AKAP19: variants seen among roughly 807,000 people sequenced by gnomAD.
The protein encoded by AKAP19 is A-kinase anchoring protein 19, also known as small A-kinase anchoring protein.
chr2:190,126,843 TTCTC>T, the AKAP19 span, among the ~76,000 whole-genome samples: 1 of 151,646 alleles, frequency 6.6e-6, no homozygotes, highest in Non-Finnish European at 1.5e-5. Context: ...ACTTGTCAAG[TTCTC>T]TCTCTCTCTC....
the AKAP19 span, chr2:190,203,287 C>G: frequency 1.1e-4 from 18 of 167,136 alleles, no homozygotes; most frequent in East Asian, 3.1e-3. Context: ...ATTTGAATAA[C>G]TAAATAGGAC....
At chr2:189,938,816 T>A in the AKAP19 span, among the ~76,000 whole-genome samples, 7 of 152,102 alleles carry the variant, frequency 4.6e-5, no homozygotes, top group Non-Finnish European at 8.8e-5. Flanking sequence ...TCAAAACATC[T>A]CGTGTACCCC....
At chr2:190,163,546 T>C in the AKAP19 span, among the ~76,000 whole-genome samples, 2 of 152,190 alleles carry the variant, frequency 1.3e-5, no homozygotes, top group African/African-American at 2.4e-5. Context: ...ATTTATAACT[T>C]CCTTTAGTTT....
chr2:190,029,176 C>T, the AKAP19 span, among the ~76,000 whole-genome samples: 1 of 151,986 alleles, frequency 6.6e-6, no homozygotes, highest in African/African-American at 2.4e-5. Flanking sequence ...CCTCAGCCTC[C>T]TGAGTAGCTG....
chr2:190,011,258 G>T, the AKAP19 span, among the ~76,000 whole-genome samples: 1 of 151,786 alleles, frequency 6.6e-6, no homozygotes, highest in African/African-American at 2.4e-5. Context: ...ATGGGGTTTT[G>T]CTGTGTTGGT....
the AKAP19 span, among the ~76,000 whole-genome samples, chr2:189,954,686 C>T: frequency 6.6e-6 from 1 of 152,200 alleles, no homozygotes. Context: ...TCATAAGTGA[C>T]TAATTTTTTC....
At chr2:190,201,937 C>T in the AKAP19 span, 1 of 166,920 alleles carries the variant, frequency 6.0e-6, no homozygotes, top group African/African-American at 2.4e-5. Flanking sequence ...CACACCAAGA[C>T]ATTTTTGCTG....
the AKAP19 span, among the ~76,000 whole-genome samples, chr2:189,924,426 G>A: frequency 6.6e-6 from 1 of 152,192 alleles, no homozygotes; most frequent in Non-Finnish European, 1.5e-5. Flanking sequence ...TAGTAGTTTT[G>A]TTAAGTCTTA....
At chr2:190,196,183 A>C in the AKAP19 span, among the ~76,000 whole-genome samples, 3 of 151,958 alleles carry the variant, frequency 2.0e-5, no homozygotes, top group Non-Finnish European at 2.9e-5. Context: ...TTCTGGGTTA[A>C]ACGTATCTAA....
chr2:190,007,531 G>A, the AKAP19 span, among the ~76,000 whole-genome samples: 1 of 152,162 alleles, frequency 6.6e-6, no homozygotes, highest in African/African-American at 2.4e-5. Context: ...TAGATATATG[G>A]TAGAATGGGG....
At chr2:190,047,514 A>G in the AKAP19 span, among the ~76,000 whole-genome samples, 2 of 152,134 alleles carry the variant, frequency 1.3e-5, no homozygotes, top group African/African-American at 2.4e-5. Flanking sequence ...ATGAGGCTTT[A>G]CTTTTACTGT....
chr2:190,188,893 G>C, the AKAP19 span, among the ~76,000 whole-genome samples: 1 of 152,062 alleles, frequency 6.6e-6, no homozygotes, highest in South Asian at 2.1e-4. Flanking sequence ...ACAAATATGT[G>C]GGGGCAGTTT....
chr2:189,994,981 G>T, the AKAP19 span, among the ~76,000 whole-genome samples: 1 of 152,084 alleles, frequency 6.6e-6, no homozygotes, highest in South Asian at 2.1e-4. Context: ...TTCCACTGTG[G>T]TCTGAAAGGG....
the AKAP19 span, among the ~76,000 whole-genome samples, chr2:189,951,056 G>C: frequency 1.2e-4 from 18 of 152,132 alleles, no homozygotes; most frequent in African/African-American, 4.1e-4. Context: ...GGAAGTTTTG[G>C]GGTTGGGTTT....
At chr2:189,993,206 C>A in the AKAP19 span, among the ~76,000 whole-genome samples, 1 of 152,098 alleles carries the variant, frequency 6.6e-6, no homozygotes, top group African/African-American at 2.4e-5. Flanking sequence ...GCGGATTTTG[C>A]TGAGGGTTTT....
chr2:189,941,729 AC>A, the AKAP19 span, among the ~76,000 whole-genome samples: 1 of 152,218 alleles, frequency 6.6e-6, no homozygotes, highest in Admixed American at 6.5e-5. Flanking sequence ...AAATCACTTA[AC>A]CACAGAGGAA....
chr2:190,038,991 CTTTCTT>C, the AKAP19 span, among the ~76,000 whole-genome samples: 1 of 124,248 alleles, frequency 8.0e-6, no homozygotes, highest in African/African-American at 3.3e-5. Flanking sequence ...TTCTTCCTTT[CTTTCTT>C]CTCTTCTTCT....
chr2:190,005,708 G>A, the AKAP19 span, among the ~76,000 whole-genome samples: 1 of 152,160 alleles, frequency 6.6e-6, no homozygotes, highest in Non-Finnish European at 1.5e-5. Flanking sequence ...AAATGACCAT[G>A]GGGTTGGGAG....
At chr2:190,012,773 A>G in the AKAP19 span, among the ~76,000 whole-genome samples, 1 of 152,098 alleles carries the variant, frequency 6.6e-6, no homozygotes, top group Non-Finnish European at 1.5e-5. Context: ...TATTGTGTTG[A>G]TTTCTAAATT....
Sources: gnomAD v4.1 joint callset for allele counts (sites outside exome capture counted in the v4.1 genomes callset) on GRCh38, gnomAD v4.1.1 for gene constraint, MANE v1.5 for transcripts, NCBI Gene and HGNC (gene_info 2026-07-23, HGNC 2026-07-21) for gene names.